NKAIN3: variants seen among roughly 807,000 people sequenced by gnomAD.
The protein encoded by NKAIN3 is sodium/potassium transporting ATPase interacting 3.
In NKAIN3, 25 loss-of-function variants were observed where a neutral mutation model predicts 30.2. That is an observed-to-expected ratio of 0.83 (90% CI 0.60 to 1.16). The LOEUF (loss-of-function observed/expected upper bound fraction) is 1.16, where lower values mean the gene tolerates loss of function less well. Ranked by LOEUF, NKAIN3 falls within the 50% of genes most tolerant of loss-of-function variation. The pLI is 0.00. For synonymous variants in NKAIN3, 91 were observed against 89.6 expected, an observed-to-expected ratio of 1.02 and a Z score of -0.09; for missense variants, 225 against 254.1, an observed-to-expected ratio of 0.89 and a Z score of 0.78.
At chr8:62,811,038 T>TC (rs1212660315) in intron 4 of NKAIN3, among the ~76,000 whole-genome samples, 2 of 152,142 alleles carry the variant, frequency 1.3e-5, no homozygotes, top group Non-Finnish European at 2.9e-5. Flanking sequence ...TATAACTATA[T>TC]CCCCTTCCTC....
chr8:62,337,420 T>G (rs2351948), intron 1 of NKAIN3, among the ~76,000 whole-genome samples: 1 of 151,904 alleles, frequency 6.6e-6, no homozygotes, highest in East Asian at 1.9e-4. Context: ...GAAAGCAATT[T>G]TCTGGAGCAT....
intron 1 of NKAIN3, among the ~76,000 whole-genome samples, chr8:62,267,806 G>T (rs1563912555): frequency 6.6e-6 from 1 of 152,094 alleles, no homozygotes; most frequent in Non-Finnish European, 1.5e-5. Context: ...ATAGATTGTT[G>T]GTCAGAATAC....
In NKAIN3 at chr8:62,272,604, A is replaced by G. The variant is rs1812813037; in HGVS notation, c.54+23477A>G. ...TCAGTACCAGCTTTGTCCTTCAAAG[A>G]ATAGAGACCTGCCAGCTTCTACTAA... On this transcript the variant is annotated intron_variant, in intron 1 of 6. Transcript: ENST00000623646. 2.0e-5 allele frequency among the ~76,000 whole-genome samples: 3 copies of G among 152,186 alleles called. 1 individual carries two copies. The South Asian group carries it at 6.2e-4, about 32-fold the overall frequency.
At chr8:62,694,147 TTCTAC>T (rs1814078490) in intron 3 of NKAIN3, among the ~76,000 whole-genome samples, 1 of 152,124 alleles carries the variant, frequency 6.6e-6, no homozygotes, top group Non-Finnish European at 1.5e-5. Context: ...ACTATAGTCT[TTCTAC>T]TATACTATCA....
intron 1 of NKAIN3, among the ~76,000 whole-genome samples, chr8:62,554,797 C>T (rs1809332351): frequency 6.6e-6 from 1 of 152,206 alleles, no homozygotes; most frequent in South Asian, 2.1e-4. Flanking sequence ...ACTCATCCTA[C>T]ATAACTGCCA....
intron 3 of NKAIN3, among the ~76,000 whole-genome samples, chr8:62,673,774 T>G (rs1198404918): frequency 6.6e-6 from 1 of 152,194 alleles, no homozygotes; most frequent in African/African-American, 2.4e-5. Context: ...ATGGTAAGTA[T>G]TTGTGCATCT....
rs187233378 is a variant in NKAIN3, at chr8:62,859,445, T to C, written c.472-59008T>C. Among the ~76,000 whole-genome samples, 40 of 143,900 alleles carry C rather than the reference T, an allele frequency of 2.8e-4. No homozygotes were observed. The East Asian group carries it at 7.2e-3, about 26-fold the overall frequency. The allele number at this position is 143,900 out of a possible 152,430, so 94.4% of individuals were successfully genotyped here. A position where few individuals can be genotyped will look rare whatever the true frequency, so the allele number is the denominator to read the frequency against. On this transcript the variant is annotated intron_variant, in intron 4 of 6. Coordinates refer to ENST00000623646, the MANE Select transcript of NKAIN3 (RefSeq NM_001304533.3). ...GTCTGGCTCATCTTGTCTGGGCTCC[T>C]GCACCAGCCATCCTATCTATTCTTA...
At chr8:62,267,119 A>G (rs1812634507) in intron 1 of NKAIN3, among the ~76,000 whole-genome samples, 1 of 152,246 alleles carries the variant, frequency 6.6e-6, no homozygotes, top group African/African-American at 2.4e-5. Flanking sequence ...CAGTAATTAC[A>G]TTTCAAACAT....
intron 4 of NKAIN3, among the ~76,000 whole-genome samples, chr8:62,749,305 A>G (rs949341764): frequency 6.6e-6 from 1 of 152,224 alleles, no homozygotes; most frequent in Non-Finnish European, 1.5e-5. Flanking sequence ...TCACATAAAA[A>G]CATTCCCTAA....
rs114263675 is a variant in NKAIN3, at chr8:62,492,894, T to A, written c.55-86645T>A. ...ACTCCCACCAACAGTATGTAAGTGT[T>A]CCCTTTTCTCTGCAATTTGTTTGAG... On this transcript the variant is annotated intron_variant, in intron 1 of 6. Transcript: ENST00000623646. Among the ~76,000 whole-genome samples, 146 of 152,194 alleles carry A rather than the reference T, an allele frequency of 9.6e-4. 1 individual carries two copies. Among genetic ancestry groups the A allele is most frequent in the African/African-American group, 3.4e-3 (143 of 41,562 alleles).
chr8:62,954,695 T>C (rs1398539778), intron 6 of NKAIN3, among the ~76,000 whole-genome samples: 3 of 152,208 alleles, frequency 2.0e-5, no homozygotes, highest in Non-Finnish European at 4.4e-5. Flanking sequence ...TATAAAACTG[T>C]ATAAATTAAT....
At chr8:62,899,156 A>G (rs1236947996) in intron 4 of NKAIN3, among the ~76,000 whole-genome samples, 1 of 152,192 alleles carries the variant, frequency 6.6e-6, no homozygotes, top group Non-Finnish European at 1.5e-5. Flanking sequence ...TACAGCAACT[A>G]TGGAGAACAG....
chr8:62,442,227 C>T (rs1361189243), intron 1 of NKAIN3, among the ~76,000 whole-genome samples: 2 of 151,654 alleles, frequency 1.3e-5, no homozygotes, highest in Admixed American at 1.3e-4. Flanking sequence ...ACTATCAGAG[C>T]CTTGTACTAT....
rs1824038637 is a variant in NKAIN3, at chr8:62,980,022, A to T, written c.*14615A>T. 1 of 152,140 alleles carries T rather than the reference A, an allele frequency of 6.6e-6. No individual in the cohort carries two copies. Among genetic ancestry groups the T allele is most frequent in the Admixed American group, 6.6e-5 (1 of 15,266 alleles). 9.4% of individuals were successfully genotyped at this position (152,140 alleles called of 1,614,324 possible). On this transcript the variant is annotated 3_prime_UTR_variant, in exon 7 of 7. Coordinates refer to ENST00000623646, the MANE Select transcript of NKAIN3 (RefSeq NM_001304533.3). ...CTTTGCTTTTGTCTTCTCAGGGCAA[A>T]TAGGAAATCCTAGACCTCAGATCAC...
chr8:62,404,294 A>G (rs1472136248), intron 1 of NKAIN3, among the ~76,000 whole-genome samples: 1 of 152,126 alleles, frequency 6.6e-6, no homozygotes, highest in Admixed American at 6.6e-5. Context: ...GAACTTTTGG[A>G]AGGGCATGAT....
At chr8:62,964,522 A>AAGAGAGAGAGAG (rs529053270) in intron 6 of NKAIN3, among the ~76,000 whole-genome samples, 1 of 135,194 alleles carries the variant, frequency 7.4e-6, no homozygotes, top group East Asian at 2.4e-4. Flanking sequence ...CCAGTAGAGA[A>AAGAGAGAGAGAG]AGAGAGAGAG....
chr8:62,953,095 C>T (rs997778705), intron 5 of NKAIN3, among the ~76,000 whole-genome samples: 1 of 152,070 alleles, frequency 6.6e-6, no homozygotes, highest in Non-Finnish European at 1.5e-5. Flanking sequence ...AAATATACTA[C>T]ACATATCCTC....
At chr8:62,803,079 A>G (rs562348491) in intron 4 of NKAIN3, among the ~76,000 whole-genome samples, 1 of 152,352 alleles carries the variant, frequency 6.6e-6, no homozygotes, top group East Asian at 1.9e-4. Flanking sequence ...CTAAATATAT[A>G]TGCACCCAAT....
intron 1 of NKAIN3, among the ~76,000 whole-genome samples, chr8:62,290,998 T>C (rs554878193): frequency 6.6e-6 from 1 of 152,216 alleles, no homozygotes; most frequent in Non-Finnish European, 1.5e-5. Context: ...TTTATCAACT[T>C]CTTCTAGATT....
Sources: gnomAD v4.1 joint callset for allele counts (sites outside exome capture counted in the v4.1 genomes callset) on GRCh38, gnomAD v4.1.1 for gene constraint, MANE v1.5 for transcripts, NCBI Gene and HGNC (gene_info 2026-07-23, HGNC 2026-07-21) for gene names.